The following MAML2 variants were observed in gnomAD, a reference collection of about 807,000 sequenced individuals.
MAML2 encodes the protein mastermind-like protein 2.
Under a neutral mutation model 96.1 loss-of-function variants are expected in MAML2, and 22 were observed. That is an observed-to-expected ratio of 0.23 (90% confidence interval 0.16 to 0.33). The LOEUF (loss-of-function observed/expected upper bound fraction) is 0.33. Ranked by LOEUF, MAML2 falls within the 10% of genes least tolerant of loss-of-function variation. The pLI is 1.00. For missense variants in MAML2, 1,367 were observed against 1,392.4 expected (o/e 0.98, Z 0.29); for synonymous variants, 561 against 521.3 (o/e 1.08, Z -1.04).
chr11:95,985,521 G>A lies in MAML2; in HGVS notation c.2455+10C>T. On this transcript the variant is annotated intron_variant, in intron 4 of 4. Coordinates refer to ENST00000524717, the MANE Select transcript of MAML2 (RefSeq NM_032427.4). ...AGCTATAATTTTTATTAATTTTTAAGAACACTTACCAGAATACTGAGCAGT... is the reference window on the plus strand; with the variant it reads ...AGCTATAATTTTTATTAATTTTTAAAAACACTTACCAGAATACTGAGCAGT... 1.3e-6 allele frequency: 2 copies of A among 1,503,096 alleles called. No homozygotes were observed. Among genetic ancestry groups the A allele is most frequent in the Non-Finnish European group, 1.8e-6 (2 of 1,100,840 alleles). 93.1% of individuals were successfully genotyped at this position (1,503,096 alleles called of 1,614,324 possible). A position where few individuals can be genotyped will look rare whatever the true frequency, so the allele number is the denominator to read the frequency against.
intron 1 of MAML2, among the ~76,000 whole-genome samples, chr11:96,135,538 T>C (rs4753190): frequency 1 from 147,571 of 148,192 alleles, 73,476 homozygotes; most frequent in East Asian, 1. Flanking sequence ...GAGGTCCCAA[T>C]CCAAGGCTTT....
chr11:96,237,403 A>G (rs967431399), intron 1 of MAML2, among the ~76,000 whole-genome samples: 2 of 152,192 alleles, frequency 1.3e-5, no homozygotes, highest in Admixed American at 6.5e-5. Context: ...TGCCTATCGC[A>G]CAATTAACAC....
intron 3 of MAML2, among the ~76,000 whole-genome samples, 170 bp downstream of exon 3, chr11:95,991,350 G>GTT (rs5793764): frequency 1.3e-5 from 2 of 151,682 alleles, no homozygotes; most frequent in Non-Finnish European, 2.9e-5. Flanking sequence ...TCAAGTTTGG[G>GTT]TTTTTTTTTC....
intron 1 of MAML2, among the ~76,000 whole-genome samples, chr11:96,145,608 A>C (rs1860802899): frequency 1.3e-5 from 2 of 152,196 alleles, no homozygotes; most frequent in South Asian, 4.1e-4. Context: ...TTCACTTATT[A>C]GCTGTGTAAC....
intron 1 of MAML2, among the ~76,000 whole-genome samples, chr11:96,133,498 C>T (rs1028031178): frequency 2.0e-5 from 3 of 152,136 alleles, no homozygotes; most frequent in African/African-American, 7.2e-5. Flanking sequence ...GGATTATTTT[C>T]CCTATGAAAG....
chr11:96,204,720 G>A (rs181991540), intron 1 of MAML2, among the ~76,000 whole-genome samples: 1 of 152,300 alleles, frequency 6.6e-6, no homozygotes, highest in Non-Finnish European at 1.5e-5. Flanking sequence ...TATGTTGAAG[G>A]AATCTGCTTA....
intron 1 of MAML2, among the ~76,000 whole-genome samples, chr11:96,149,458 G>A (rs1411161632): frequency 2.7e-5 from 4 of 145,948 alleles, no homozygotes; most frequent in South Asian, 2.2e-4. Flanking sequence ...TCAGCCAGGC[G>A]CAGTGGCTCA....
intron 2 of MAML2, among the ~76,000 whole-genome samples, chr11:96,089,601 A>C (rs1378461622): frequency 6.6e-6 from 1 of 152,212 alleles, no homozygotes; most frequent in East Asian, 1.9e-4. Flanking sequence ...CATTATCAGA[A>C]TGTGTATACT....
intron 1 of MAML2, among the ~76,000 whole-genome samples, chr11:96,170,420 A>T (rs1861269386): frequency 6.6e-6 from 1 of 152,246 alleles, no homozygotes; most frequent in Non-Finnish European, 1.5e-5. Context: ...CGAAAAGCAC[A>T]GAAAATTGGC....
intron 1 of MAML2, among the ~76,000 whole-genome samples, chr11:96,175,401 G>A (rs1861369198): frequency 6.6e-6 from 1 of 152,196 alleles, no homozygotes; most frequent in African/African-American, 2.4e-5. Context: ...AACCACTGTA[G>A]TAGCCCCTGG....
intron 1 of MAML2, among the ~76,000 whole-genome samples, chr11:96,248,170 T>A (rs545437788): frequency 1.6e-4 from 24 of 149,518 alleles, no homozygotes; most frequent in African/African-American, 5.4e-4. Context: ...CAGAGTGCAG[T>A]GGCATGATCT....
chr11:96,048,750 T>C (rs998062532), intron 2 of MAML2, among the ~76,000 whole-genome samples: 6 of 152,198 alleles, frequency 3.9e-5, no homozygotes, highest in Admixed American at 3.3e-4. Flanking sequence ...CCATTTATGG[T>C]TTCCAAATGC....
chr11:96,265,790 C>A (rs548698192), intron 1 of MAML2, among the ~76,000 whole-genome samples: 66 of 152,302 alleles, frequency 4.3e-4, no homozygotes, highest in African/African-American at 1.5e-3. Flanking sequence ...GAGGAGCGCT[C>A]GGCCCCCAAG....
chr11:96,298,150 T>A (rs1863328578), intron 1 of MAML2, among the ~76,000 whole-genome samples: 1 of 152,256 alleles, frequency 6.6e-6, no homozygotes, highest in African/African-American at 2.4e-5. Flanking sequence ...CATGACCACA[T>A]TGAAAGCAGC....
chr11:96,012,995 A>G lies in MAML2; in HGVS notation c.2140-21272T>C, dbSNP rs183922872. On this transcript the variant is annotated intron_variant, in intron 2 of 4. Coordinates refer to ENST00000524717, the MANE Select transcript of MAML2 (RefSeq NM_032427.4). Reference sequence around the variant, plus strand: ...CTATCTTAGTTGGTCATGCAATAGCATATGTATTCACCTTAACAGACTAAC... The same window carrying G: ...CTATCTTAGTTGGTCATGCAATAGCGTATGTATTCACCTTAACAGACTAAC... 3.3e-5 allele frequency among the ~76,000 whole-genome samples: 5 copies of G among 152,286 alleles called. No individual in the cohort carries two copies. The East Asian group carries it at 9.6e-4, about 29-fold the overall frequency.
intron 1 of MAML2, among the ~76,000 whole-genome samples, chr11:96,281,659 T>A (rs1396711644): frequency 6.6e-6 from 1 of 152,104 alleles, no homozygotes; most frequent in Non-Finnish European, 1.5e-5. Flanking sequence ...ATCACCAGTT[T>A]AAGACTTACT....
chr11:96,305,438 T>C (rs1446217568), intron 1 of MAML2, among the ~76,000 whole-genome samples: 3 of 152,160 alleles, frequency 2.0e-5, no homozygotes, highest in Admixed American at 2.0e-4. Flanking sequence ...GGGGTGACTA[T>C]GCATGGATAG....
At chr11:96,023,112 C>G (rs1011679260) in intron 2 of MAML2, among the ~76,000 whole-genome samples, 2 of 152,196 alleles carry the variant, frequency 1.3e-5, no homozygotes, top group Admixed American at 6.5e-5. Flanking sequence ...GAGGATGAAG[C>G]CCCTCTGCAG....
chr11:96,304,450 C>T (rs1863436257), intron 1 of MAML2, among the ~76,000 whole-genome samples: 1 of 152,134 alleles, frequency 6.6e-6, no homozygotes, highest in Non-Finnish European at 1.5e-5. Context: ...GATGAGAGGC[C>T]AGTTTGGAAG....
Sources: gnomAD v4.1 joint callset for allele counts (sites outside exome capture counted in the v4.1 genomes callset) on GRCh38, gnomAD v4.1.1 for gene constraint, MANE v1.5 for transcripts, NCBI Gene and HGNC (gene_info 2026-07-23, HGNC 2026-07-21) for gene names.